The following GALNT18 variants were observed in gnomAD, a reference collection of about 807,000 sequenced individuals.
GALNT18 encodes GalNAc-transferase 18.
Under a neutral mutation model 69.5 loss-of-function variants are expected in GALNT18, and 44 were observed. The ratio of observed to expected loss-of-function variants is 0.63; its 90% CI spans 0.50 to 0.81. GALNT18 has a LOEUF of 0.81. Ranked by LOEUF, GALNT18 falls within the 40% of genes least tolerant of loss-of-function variation. GALNT18 has a pLI of 0.00. For synonymous variants in GALNT18, 364 were observed against 318.2 expected, an observed-to-expected ratio of 1.14 and a Z score of -1.53; for missense variants, 715 against 810.0, an observed-to-expected ratio of 0.88 and a Z score of 1.42.
chr11:11,319,462 T>C (rs1417562435), intron 9 of GALNT18, among the ~76,000 whole-genome samples: 3 of 152,220 alleles, frequency 2.0e-5, no homozygotes, highest in African/African-American at 7.2e-5. Flanking sequence ...ACATGAATGC[T>C]GTTCATAAAA....
At chr11:11,473,167 C>A (rs1271473130) in intron 1 of GALNT18, among the ~76,000 whole-genome samples, 1 of 152,040 alleles carries the variant, frequency 6.6e-6, no homozygotes, top group African/African-American at 2.4e-5. Flanking sequence ...CCAGAAATAC[C>A]CCGGAACTAA....
rs180993183 is a variant in GALNT18 at position 11,278,720 on chromosome 11, A to G, written c.1678-7430T>C. On this transcript the variant is annotated intron_variant, in intron 10 of 10. Transcript: ENST00000227756. ...GGCTAAGAAAGGTAGTAGGGAGGAG[A>G]GGAAAAAGCAGGGATGGTTAATAGG... 2.6e-5 allele frequency among the ~76,000 whole-genome samples: 4 copies of G among 152,230 alleles called. 1 individual carries two copies. Among genetic ancestry groups the G allele is most frequent in the Admixed American group, 2.6e-4 (4 of 15,298 alleles).
At chr11:11,491,381 T>C (rs1464720839) in intron 1 of GALNT18, among the ~76,000 whole-genome samples, 3 of 152,186 alleles carry the variant, frequency 2.0e-5, no homozygotes, top group Non-Finnish European at 4.4e-5. Context: ...AGCACCAATC[T>C]AGTCACTGAA....
intron 1 of GALNT18, among the ~76,000 whole-genome samples, chr11:11,452,169 C>A (rs958065868): frequency 6.6e-6 from 1 of 152,224 alleles, no homozygotes. Flanking sequence ...GAGGCCTTGC[C>A]TCTCTGAACT....
At chr11:11,276,563 T>C (rs1564874863) in intron 10 of GALNT18, among the ~76,000 whole-genome samples, 1 of 152,178 alleles carries the variant, frequency 6.6e-6, no homozygotes, top group East Asian at 1.9e-4. Context: ...GAACTTCCCA[T>C]ACTATGTTGA....
rs940955459 is a variant in GALNT18, at chr11:11,449,004, T to C, written c.236-68A>G. The C allele has an allele frequency of 2.0e-5, 26 of 1,275,416 alleles. No individual in the cohort carries two copies. The South Asian group carries it at 4.0e-4, about 20-fold the overall frequency. 79.0% of individuals were successfully genotyped at this position (1,275,416 alleles called of 1,614,324 possible). On this transcript the variant is annotated intron_variant, in intron 1 of 10. Coordinates refer to ENST00000227756, the MANE Select transcript of GALNT18 (RefSeq NM_198516.3). ...CCTGCATGTGCCATGACAATCCCTT[T>C]CCCTTCCTCACAAACAGCCTTTGGT...
rs770584403 is a variant in GALNT18, at chr11:11,582,618, T to C, written c.235+38741A>G. ...CAGCCCAGTTCCTGGATTGTAGATA[T>C]CGTGTGAAGCAGCGCAGACTTTCAG... On this transcript the variant is annotated intron_variant, in intron 1 of 10. Coordinates refer to ENST00000227756, the MANE Select transcript of GALNT18 (RefSeq NM_198516.3). This position sits in a 1 kb window ranked among gnomAD's most constrained non-coding sequence, Gnocchi z 5.0. Among the ~76,000 whole-genome samples the C allele has an allele frequency of 5.3e-5, 8 of 152,226 alleles. No individual in the cohort carries two copies. Among genetic ancestry groups the C allele is most frequent in the Non-Finnish European group, 1.0e-4 (7 of 68,044 alleles).
In GALNT18 at chr11:11,583,511, G is replaced by A. The variant is rs927777972; in HGVS notation, c.235+37848C>T. 1.1e-4 allele frequency among the ~76,000 whole-genome samples: 17 copies of A among 152,290 alleles called. No individual in the cohort carries two copies. Among genetic ancestry groups the A allele is most frequent in the South Asian group, 8.3e-4 (4 of 4,816 alleles). On this transcript the variant is annotated intron_variant, in intron 1 of 10. Transcript: ENST00000227756. This position sits in a 1 kb window ranked among gnomAD's most constrained non-coding sequence, Gnocchi z 4.7. ...CTCTGTTTCTGGCTGGAAAGTGCAC[G>A]AAAGCTGAGTTTAATCAATAAATAA...
intron 10 of GALNT18, among the ~76,000 whole-genome samples, chr11:11,286,192 A>G (rs1849189537): frequency 6.6e-6 from 1 of 152,198 alleles, no homozygotes; most frequent in Non-Finnish European, 1.5e-5. Flanking sequence ...CAGTCTCAAC[A>G]CCCTGAGATT....
At chr11:11,486,663 C>T (rs949903912) in intron 1 of GALNT18, among the ~76,000 whole-genome samples, 2 of 152,246 alleles carry the variant, frequency 1.3e-5, no homozygotes, top group African/African-American at 4.8e-5. Context: ...TGACAGCCAA[C>T]GGCAGTCCCT....
chr11:11,508,871 G>A (rs1428170568), intron 1 of GALNT18, among the ~76,000 whole-genome samples: 3 of 152,184 alleles, frequency 2.0e-5, no homozygotes, highest in Non-Finnish European at 4.4e-5. Flanking sequence ...TGCAAGGGTG[G>A]TTTTGAATAT....
chr11:11,534,314 C>T (rs1308532163), intron 1 of GALNT18, among the ~76,000 whole-genome samples: 1 of 152,188 alleles, frequency 6.6e-6, no homozygotes, highest in African/African-American at 2.4e-5. Context: ...CTGCCAGAAC[C>T]CTCTGAAGGA....
At position 11,617,325 on chromosome 11, in the gene GALNT18, C is replaced by T. The variant is rs761575061; in HGVS notation, c.235+4034G>A. On this transcript the variant is annotated intron_variant, in intron 1 of 10. Transcript: ENST00000227756. This position sits in a 1 kb window ranked among gnomAD's most constrained non-coding sequence, Gnocchi z 4.7. Reference sequence around the variant, plus strand: ...ATTCTTTGTCCTTTGAAAACAAGTCCGCTATGACAAGGACCAAGAGTGCCC... The same window carrying T: ...ATTCTTTGTCCTTTGAAAACAAGTCTGCTATGACAAGGACCAAGAGTGCCC... 1.9e-4 allele frequency among the ~76,000 whole-genome samples: 29 copies of T among 152,198 alleles called. No individual in the cohort carries two copies. The highest frequency in any genetic ancestry group is 5.8e-4 in the East Asian group (3 of 5,190).
chr11:11,375,985 C>A (rs1263968292), intron 5 of GALNT18, among the ~76,000 whole-genome samples: 1 of 152,234 alleles, frequency 6.6e-6, no homozygotes, highest in Non-Finnish European at 1.5e-5. Context: ...CTTCTAATCT[C>A]TTGCACTCCA....
intron 6 of GALNT18, among the ~76,000 whole-genome samples, chr11:11,371,480 C>A (rs1850902692): frequency 6.6e-6 from 1 of 152,176 alleles, no homozygotes; most frequent in Non-Finnish European, 1.5e-5. Flanking sequence ...ATGAGGTCTG[C>A]ATGGATGTGT....
intron 1 of GALNT18, among the ~76,000 whole-genome samples, chr11:11,510,483 T>C (rs986212253): frequency 6.7e-5 from 7 of 104,652 alleles, no homozygotes; most frequent in Non-Finnish European, 2.6e-5. Context: ...CCAGGCCTTG[T>C]ACCAGGCACT....
chr11:11,471,727 G>A (rs777352119), intron 1 of GALNT18, among the ~76,000 whole-genome samples: 3 of 149,476 alleles, frequency 2.0e-5, no homozygotes, highest in Non-Finnish European at 4.4e-5. Context: ...TACCTGCCTG[G>A]GGGTACTCAG....
At chr11:11,484,780 C>T (rs1264764570) in intron 1 of GALNT18, among the ~76,000 whole-genome samples, 2 of 152,122 alleles carry the variant, frequency 1.3e-5, no homozygotes, top group African/African-American at 4.8e-5. Flanking sequence ...CTTAGCAGCC[C>T]TGCCAAAGGT....
intron 1 of GALNT18, among the ~76,000 whole-genome samples, chr11:11,552,167 AG>A (rs60454684): frequency 0.2 from 30,887 of 152,216 alleles, 3,752 homozygotes; most frequent in Non-Finnish European, 0.26. Flanking sequence ...AAGCAGCCAT[AG>A]GCCCTCTGGA....
Sources: gnomAD v4.1 joint callset for allele counts (sites outside exome capture counted in the v4.1 genomes callset) on GRCh38, gnomAD v4.1.1 for gene constraint, Gnocchi (gnomAD v3.1) non-coding constraint, MANE v1.5 for transcripts, NCBI Gene and HGNC (gene_info 2026-07-23, HGNC 2026-07-21) for gene names.